SGK3: variants seen among roughly 807,000 people sequenced by gnomAD.
SGK3 encodes serine/threonine-protein kinase Sgk3.
SGK3 carries 47 observed loss-of-function variants against 68.5 expected under a neutral mutation model. The observed-to-expected ratio is 0.69, with a 90% confidence interval of 0.54 to 0.87. The LOEUF (loss-of-function observed/expected upper bound fraction) is 0.87, where lower values mean the gene tolerates loss of function less well. SGK3 is among the 40% of genes least tolerant of loss of function. SGK3 has a pLI of 0.00. For missense variants in SGK3, 479 were observed against 575.5 expected (o/e 0.83, Z 1.72); for synonymous variants, 181 against 189.1 (o/e 0.96, Z 0.35).
chr8:66,833,856 T>C (rs1048525233), intron 8 of SGK3, among the ~76,000 whole-genome samples: 3 of 151,928 alleles, frequency 2.0e-5, no homozygotes, highest in Non-Finnish European at 2.9e-5. Context: ...CACGCCCTGC[T>C]AATTTTGTAT....
intron 1 of SGK3, among the ~76,000 whole-genome samples, chr8:66,723,120 TA>T (rs1563595283): frequency 1.7e-3 from 94 of 55,570 alleles, no homozygotes; most frequent in Non-Finnish European, 2.5e-3. Flanking sequence ...TATATATATA[TA>T]TATATATATA....
intron 1 of SGK3, among the ~76,000 whole-genome samples, chr8:66,787,328 A>G (rs916513599): frequency 4.6e-5 from 7 of 152,172 alleles, no homozygotes; most frequent in Admixed American, 3.9e-4. Flanking sequence ...TTCAAAACAA[A>G]TTGTTATACT....
intron 16 of SGK3, among the ~76,000 whole-genome samples, chr8:66,856,680 C>A (rs1240547690): frequency 1.3e-5 from 2 of 152,182 alleles, no homozygotes; most frequent in Non-Finnish European, 2.9e-5. Flanking sequence ...ACATTGCCAT[C>A]ATTTGAGTGC....
chr8:66,784,717 A>G lies in SGK3; in HGVS notation c.-121-8899A>G, dbSNP rs1444995358. On this transcript the variant is annotated intron_variant, in intron 1 of 16. Transcript: ENST00000521198. ...AAAAATCCTTTTTAGGAAAAGCTTT[A>G]ATGTTCATCTATTTTAAGCAATATT... Among the ~76,000 whole-genome samples the G allele has an allele frequency of 2.0e-5, 3 of 152,166 alleles. No homozygotes were observed. The East Asian group carries it at 5.8e-4, about 29-fold the overall frequency.
intron 16 of SGK3, among the ~76,000 whole-genome samples, chr8:66,859,128 C>T (rs571944829): frequency 7.9e-5 from 12 of 152,104 alleles, no homozygotes; most frequent in Admixed American, 1.3e-4. Context: ...GTCAGGAGTT[C>T]GAGACCAGCC....
At chr8:66,850,246 T>A (rs1810218350) in intron 15 of SGK3, among the ~76,000 whole-genome samples, 1 of 152,204 alleles carries the variant, frequency 6.6e-6, no homozygotes. Flanking sequence ...CTAAGAAGTC[T>A]TTTTTAACCC....
intron 1 of SGK3, among the ~76,000 whole-genome samples, chr8:66,713,293 C>G (rs1290733998): frequency 2.6e-5 from 4 of 152,198 alleles, no homozygotes; most frequent in African/African-American, 4.8e-5. Context: ...TGAACCCTTA[C>G]GTCTCTTCAA....
intron 1 of SGK3, among the ~76,000 whole-genome samples, chr8:66,729,270 C>CA (rs2130361495): frequency 6.9e-6 from 1 of 145,856 alleles, no homozygotes; most frequent in African/African-American, 2.6e-5. Flanking sequence ...TCCTGGCTAA[C>CA]ACGGTGAAAC....
chr8:66,743,417 A>C (rs558971793), intron 1 of SGK3, among the ~76,000 whole-genome samples: 2 of 152,208 alleles, frequency 1.3e-5, no homozygotes, highest in Admixed American at 1.3e-4. Flanking sequence ...TACGTTATAT[A>C]TTACTTAAGG....
intron 4 of SGK3, 118 bp from the exon 5 acceptor site, chr8:66,813,735 A>C (rs1808471119): frequency 7.0e-6 from 5 of 717,202 alleles, no homozygotes; most frequent in Non-Finnish European, 9.9e-6. Flanking sequence ...AGTAGCATGA[A>C]TTTAAAAATA....
intron 1 of SGK3, among the ~76,000 whole-genome samples, chr8:66,722,435 A>AC (rs1804821019): frequency 6.6e-6 from 1 of 152,140 alleles, no homozygotes; most frequent in Non-Finnish European, 1.5e-5. Context: ...GGCATTTGCC[A>AC]CCACGCCTGG....
At chr8:66,822,000 A>C (rs1401300397) in intron 5 of SGK3, among the ~76,000 whole-genome samples, 1 of 85,272 alleles carries the variant, frequency 1.2e-5, no homozygotes, top group African/African-American at 4.6e-5. Context: ...TTTTTTTTTT[A>C]CCAACTTTTG....
At chr8:66,738,120 C>T (rs951557793) in intron 1 of SGK3, among the ~76,000 whole-genome samples, 1 of 152,130 alleles carries the variant, frequency 6.6e-6, no homozygotes, top group African/African-American at 2.4e-5. Context: ...AATTTATGGT[C>T]TCATCATCCA....
chr8:66,839,539 A>ATATATATATATATG (rs1809700746), intron 10 of SGK3, among the ~76,000 whole-genome samples: 22 of 69,812 alleles, frequency 3.2e-4, no homozygotes, highest in Non-Finnish European at 5.2e-4. Context: ...ATATATATAT[A>ATATATATATATATG]TATATATATA....
At chr8:66,829,867 A>ATTTTTTTTT (rs10689856) in intron 7 of SGK3, among the ~76,000 whole-genome samples, 1 of 137,778 alleles carries the variant, frequency 7.3e-6, no homozygotes. Context: ...CAAAAAATGG[A>ATTTTTTTTT]TTTTTTTTTT....
In SGK3 at chr8:66,859,559, C is replaced by T. The variant is rs1437332474; in HGVS notation, c.1469C>T (p.Pro490Leu). ...DAFVGFSYAP[P>L]SEDLFL ...TTCGTTGGTTTCTCTTATGCACCTCCTTCAGAAGACTTATTTTTGTGAGCA... is the reference window on the plus strand; with the variant it reads ...TTCGTTGGTTTCTCTTATGCACCTCTTTCAGAAGACTTATTTTTGTGAGCA... Residue 490 changes from proline to leucine, a missense_variant, in exon 17 of 17, where the codon CCT (proline) becomes CTT (leucine). This residue lies in a region of SGK3 where 173 missense variants were observed against 214.3 expected (regional missense o/e 0.81). Transcript: ENST00000521198. 11 of 1,609,856 alleles carry T rather than the reference C, an allele frequency of 6.8e-6. No individual in the cohort carries two copies. Among genetic ancestry groups the T allele is most frequent in the African/African-American group, 1.3e-5 (1 of 74,854 alleles).
At chr8:66,857,530 T>C (rs1313177280) in intron 16 of SGK3, among the ~76,000 whole-genome samples, 1 of 151,996 alleles carries the variant, frequency 6.6e-6, no homozygotes, top group Non-Finnish European at 1.5e-5. Flanking sequence ...GGCTGTAATC[T>C]CAACACTTTG....
At chr8:66,814,148 T>C (rs577990926) in intron 5 of SGK3, among the ~76,000 whole-genome samples, 1 of 152,322 alleles carries the variant, frequency 6.6e-6, no homozygotes, top group South Asian at 2.1e-4. Flanking sequence ...TTTTATAGAT[T>C]ATACTTGAAA....
At chr8:66,808,751 A>T (rs1206495425) in intron 4 of SGK3, among the ~76,000 whole-genome samples, 1 of 151,816 alleles carries the variant, frequency 6.6e-6, no homozygotes, top group Non-Finnish European at 1.5e-5. Context: ...ACCTCAGGTG[A>T]TCCACCCACC....
Sources: allele counts gnomAD v4.1 joint callset (sites outside exome capture counted in the v4.1 genomes callset), GRCh38; gene constraint gnomAD v4.1.1; regional missense constraint gnomAD v4.1.1; transcripts MANE v1.5; gene names NCBI Gene and HGNC (gene_info 2026-07-23, HGNC 2026-07-21).